The following DDX1 variants were observed in gnomAD, a reference collection of about 807,000 sequenced individuals.
DDX1 encodes the protein ATP-dependent RNA helicase DDX1.
A neutral mutation model predicts 108.7 loss-of-function variants in DDX1; 28 were observed. The ratio of observed to expected loss-of-function variants is 0.26; its 90% CI spans 0.19 to 0.35. The LOEUF (loss-of-function observed/expected upper bound fraction) is 0.35. Ranked by LOEUF, DDX1 falls within the 10% of genes least tolerant of loss-of-function variation. DDX1 has a pLI of 1.00. For synonymous variants in DDX1, 295 were observed against 288.9 expected, an observed-to-expected ratio of 1.02 and a Z score of -0.21; for missense variants, 710 against 884.5, an observed-to-expected ratio of 0.80 and a Z score of 2.50.
intron 6 of DDX1, among the ~76,000 whole-genome samples, chr2:15,600,062 G>A (rs1373009061): frequency 7.1e-6 from 1 of 141,052 alleles, no homozygotes. Context: ...TGTGTATTTA[G>A]GACTTAAATA....
At chr2:15,628,945 T>G (rs1271304363) in intron 23 of DDX1, 106 bp downstream of exon 23, 1 of 1,068,536 alleles carries the variant, frequency 9.4e-7, no homozygotes, top group Non-Finnish European at 1.4e-6. Context: ...CAGCTGCGTA[T>G]GGAATACAAA....
Position 15,591,876 on chromosome 2 carries a change from G to C in DDX1, c.-58G>C. 1.4e-6 allele frequency: 2 copies of C among 1,465,782 alleles called. No individual in the cohort carries two copies. Among genetic ancestry groups the C allele is most frequent in the Non-Finnish European group, 1.8e-6 (2 of 1,106,870 alleles). 90.8% of individuals were successfully genotyped at this position (1,465,782 alleles called of 1,614,324 possible). A position where few individuals can be genotyped will look rare whatever the true frequency, so the allele number is the denominator to read the frequency against. ...CGGAAGCGCGCGCCGCCACTGCCAC[G>C]CCGTGTCAGTCGGGAGGGAGGGAGC... On this transcript the variant is annotated 5_prime_UTR_variant, in exon 1 of 26. Transcript: ENST00000233084.
At chr2:15,621,319 T>A in intron 18 of DDX1, 1 of 515,522 alleles carries the variant, frequency 1.9e-6, no homozygotes, top group Non-Finnish European at 3.4e-6. Context: ...TATTTTTAAT[T>A]TTTTGAGACA....
intron 16 of DDX1, among the ~76,000 whole-genome samples, chr2:15,619,277 C>T (rs901357975): frequency 3.3e-5 from 5 of 152,214 alleles, no homozygotes; most frequent in Admixed American, 6.5e-5. Flanking sequence ...AGAGACTGTC[C>T]GCCTCCTCTC....
rs541970738 is a variant in DDX1, at chr2:15,620,258, C to T, written c.1257C>T (p.Ser419=). ...TLHSFDVKKL[S]EKIMHFPTWV... ...ATTCTTTCGATGTAAAGAAACTGTC[C>T]GAGAAGATAATGCATTTTCCTACAT... Residue 419 remains serine, a synonymous_variant, in exon 17 of 26, where the codon TCC becomes TCT. Coordinates refer to ENST00000233084, the MANE Select transcript of DDX1 (RefSeq NM_004939.3). 64 of 1,613,884 alleles carry T rather than the reference C, an allele frequency of 4.0e-5. No individual in the cohort carries two copies. The East Asian group carries it at 5.8e-4, about 15-fold the overall frequency.
intron 19 of DDX1, among the ~76,000 whole-genome samples, chr2:15,624,330 G>A (rs908775177): frequency 6.6e-6 from 1 of 152,138 alleles, no homozygotes; most frequent in Non-Finnish European, 1.5e-5. Flanking sequence ...GGAAGTATAA[G>A]GGTTCAGATT....
chr2:15,600,619 T>G (rs1210204177), intron 6 of DDX1, among the ~76,000 whole-genome samples: 4 of 152,132 alleles, frequency 2.6e-5, no homozygotes, highest in Admixed American at 1.3e-4. Flanking sequence ...AAAGCTCAGA[T>G]GGACTGAAAT....
intron 24 of DDX1, 140 bp from the exon 25 acceptor site, chr2:15,629,850 A>G (rs1666164261): frequency 1.9e-6 from 2 of 1,049,544 alleles, no homozygotes; most frequent in Non-Finnish European, 2.7e-6. Context: ...TGCTAATTGT[A>G]AGTTGTGAAT....
In DDX1 at chr2:15,591,887, C is replaced by CG. The variant is rs1665417171; in HGVS notation, c.-44dup. 1 of 1,466,254 alleles carries CG rather than the reference C, an allele frequency of 6.8e-7. No individual in the cohort carries two copies. The allele number at this position is 1,466,254 out of a possible 1,614,324, so 90.8% of individuals were successfully genotyped here. A position where few individuals can be genotyped will look rare whatever the true frequency, so the allele number is the denominator to read the frequency against. On this transcript the variant is annotated 5_prime_UTR_variant, in exon 1 of 26. Coordinates refer to ENST00000233084, the MANE Select transcript of DDX1 (RefSeq NM_004939.3). ...GCCGCCACTGCCACGCCGTGTCAGT[C>CG]GGGAGGGAGGGAGCGAGCAGGCGAA...
chr2:15,621,087 A>G lies in DDX1; in HGVS notation c.1418A>G (p.Asp473Gly), dbSNP rs756442471. Residue 473 changes from aspartate to glycine, a missense_variant, in exon 18 of 26, where the codon GAT (aspartate) becomes GGT (glycine). By Grantham distance (94) the Asp-to-Gly change is moderately conservative. Coordinates refer to ENST00000233084, the MANE Select transcript of DDX1 (RefSeq NM_004939.3). ...TAGACTGATGATGTACATGCAAAAG[A>G]TAACACAAGACCTGGTGCTAATAGT... ...HIRTDDVHAKDNTRPGANSPE... is the reference protein window; with the variant it reads ...HIRTDDVHAKGNTRPGANSPE... 5 of 1,610,818 alleles carry G rather than the reference A, an allele frequency of 3.1e-6. No individual in the cohort carries two copies. Among genetic ancestry groups the G allele is most frequent in the South Asian group, 1.1e-5 (1 of 90,714 alleles).
chr2:15,627,025 G>A, intron 19 of DDX1, 29 bp from the exon 20 acceptor site: 1 of 1,476,280 alleles, frequency 6.8e-7, no homozygotes, highest in Middle Eastern at 1.8e-4. Flanking sequence ...GATTTTCCAA[G>A]GTTAAATGCT....
chr2:15,621,712 G>C (rs2148748020), intron 18 of DDX1, among the ~76,000 whole-genome samples: 1 of 151,718 alleles, frequency 6.6e-6, no homozygotes, highest in East Asian at 1.9e-4. Context: ...GAGTGCACTG[G>C]TGCGATTTTG....
intron 15 of DDX1, among the ~76,000 whole-genome samples, chr2:15,617,661 G>A (rs1025048594): frequency 4.6e-5 from 7 of 152,114 alleles, no homozygotes; most frequent in African/African-American, 1.7e-4. Context: ...CTTATTTCTA[G>A]GTATGTAGGC....
chr2:15,612,456 G>A lies in DDX1; in HGVS notation c.957-768G>A, dbSNP rs1376576782. On this transcript the variant is annotated intron_variant, in intron 13 of 25. Transcript: ENST00000233084. ...TCACTTCCTAGATGGGATGGTGGCC[G>A]GGAAGAGGTGCTCCTCACTTCCTAG... is the stretch of plus-strand genomic sequence containing the variant. Among the ~76,000 whole-genome samples the A allele has an allele frequency of 4.6e-4, 69 of 151,588 alleles. No homozygotes were observed. The South Asian group carries it at 0.014, about 30-fold the overall frequency.
chr2:15,597,295 A>C, intron 4 of DDX1, 80 bp from the exon 5 acceptor site: 1 of 899,808 alleles, frequency 1.1e-6, no homozygotes, highest in Non-Finnish European at 1.7e-6. Flanking sequence ...GTGTGTGCAT[A>C]ACTTTTGTCA....
In DDX1 at chr2:15,594,907, G is replaced by A. The variant is rs189488395; in HGVS notation, c.17-238G>A. ...GTAGGCAATATCAGCCCCATTTTGT[G>A]TGGAGAAAACAGATTTATAGCTTTG... is the stretch of plus-strand genomic sequence containing the variant. On this transcript the variant is annotated intron_variant, in intron 1 of 25. Transcript: ENST00000233084. 2.0e-5 allele frequency among the ~76,000 whole-genome samples: 3 copies of A among 152,314 alleles called. No homozygotes were observed. In the East Asian group the frequency reaches 5.8e-4, roughly 29 times the overall value.
intron 1 of DDX1, among the ~76,000 whole-genome samples, chr2:15,593,574 G>A (rs1665452775): frequency 6.6e-6 from 1 of 152,140 alleles, no homozygotes; most frequent in Non-Finnish European, 1.5e-5. Flanking sequence ...ATGATATGTT[G>A]TTTCTTGTAT....
intron 1 of DDX1, among the ~76,000 whole-genome samples, chr2:15,592,771 G>A (rs528770505): frequency 2.6e-5 from 4 of 152,110 alleles, no homozygotes; most frequent in African/African-American, 4.8e-5. Flanking sequence ...CTATATAAAT[G>A]TATCACGTTA....
chr2:15,625,665 C>T (rs1012786148), intron 19 of DDX1, among the ~76,000 whole-genome samples: 1 of 151,706 alleles, frequency 6.6e-6, no homozygotes. Flanking sequence ...TTCAGTGTTG[C>T]TACGTGTTTG....
Sources: gnomAD v4.1 joint callset for allele counts (sites outside exome capture counted in the v4.1 genomes callset) on GRCh38, gnomAD v4.1.1 for gene constraint, MANE v1.5 for transcripts, NCBI Gene and HGNC (gene_info 2026-07-23, HGNC 2026-07-21) for gene names.